Variants in NAA11 observed in about 807,000 individuals in gnomAD.
NAA11 encodes the protein N-alpha-acetyltransferase 11, NatA catalytic subunit, also known as N-alpha-acetyltransferase 11.
In NAA11, 15 loss-of-function variants were observed where a neutral mutation model predicts 16.1. That is an observed-to-expected ratio of 0.93 (90% confidence interval 0.62 to 1.44). The LOEUF (loss-of-function observed/expected upper bound fraction) is 1.44. Among genes scored for constraint, NAA11 ranks in the 40% most tolerant of loss-of-function variants. The pLI is 0.00. For synonymous variants in NAA11, 122 were observed against 112.4 expected (o/e 1.09, Z -0.54); for missense variants, 298 against 291.3 (o/e 1.02, Z -0.17).
At position 79,243,875 on chromosome 4, in the gene NAA11, G is replaced by A. The variant is rs370331563; in HGVS notation, c.*123-17605C>T. ...AAAAGGGCCTTTAACCTCGATCCTG[G>A]GACTTTATGGGCTGGCCTCTTTCCC... On this transcript the variant is annotated intron_variant and NMD_transcript_variant, in intron 2 of 2. Coordinates refer to the NAA11 transcript ENST00000511542. Among the ~76,000 whole-genome samples the A allele has an allele frequency of 1.2e-4, 18 of 152,292 alleles. No homozygotes were observed. In the South Asian group the frequency reaches 3.7e-3, roughly 32 times the overall value.
the NAA11 span, among the ~76,000 whole-genome samples, chr4:79,193,961 C>G: frequency 6.6e-6 from 1 of 152,064 alleles, no homozygotes; most frequent in South Asian, 2.1e-4. Flanking sequence ...AAGTTGGATT[C>G]CTAGGTATTT....
At chr4:79,172,731 A>G in the NAA11 span, among the ~76,000 whole-genome samples, 3 of 152,192 alleles carry the variant, frequency 2.0e-5, no homozygotes. Context: ...GCACTTAAAT[A>G]AATGTAAAAC....
chr4:79,218,919 C>T, the NAA11 span, among the ~76,000 whole-genome samples: 3 of 152,078 alleles, frequency 2.0e-5, 1 homozygote, highest in South Asian at 4.1e-4. Flanking sequence ...TGCACTTTAG[C>T]AAAATATTCA....
At chr4:79,314,641 T>TAAAGAAAAAAAAAAAAA (rs1723874586), downstream of NAA11, among the ~76,000 whole-genome samples, 1 of 98,048 alleles carries the variant, frequency 1.0e-5, no homozygotes, top group African/African-American at 4.1e-5. Flanking sequence ...TCCTTAAAAT[T>TAAAGAAAAAAAAAAAAA]AAAAAAAAAA....
the NAA11 span, among the ~76,000 whole-genome samples, chr4:79,188,956 G>C: frequency 6.6e-5 from 10 of 151,412 alleles, no homozygotes; most frequent in Non-Finnish European, 1.5e-4. Flanking sequence ...GAAGGGCCGA[G>C]CGCAGTGGCT....
At chr4:79,159,682 C>A in the NAA11 span, among the ~76,000 whole-genome samples, 1 of 152,106 alleles carries the variant, frequency 6.6e-6, no homozygotes, top group Non-Finnish European at 1.5e-5. Flanking sequence ...TTTGCACCAA[C>A]CTAATAATTA....
At chr4:79,168,942 G>A in the NAA11 span, among the ~76,000 whole-genome samples, 133 of 152,258 alleles carry the variant, frequency 8.7e-4, no homozygotes, top group African/African-American at 3.0e-3. Context: ...GAAATCAAAA[G>A]CATTCCTATA....
chr4:79,293,738 C>A (rs2109995061), intron 2 of NAA11, among the ~76,000 whole-genome samples: 1 of 152,248 alleles, frequency 6.6e-6, no homozygotes, highest in South Asian at 2.1e-4. Context: ...CCAACTGGTC[C>A]ATTTTTCTCT....
the NAA11 span, among the ~76,000 whole-genome samples, chr4:79,220,092 T>C: frequency 6.6e-6 from 1 of 152,210 alleles, no homozygotes; most frequent in Non-Finnish European, 1.5e-5. Flanking sequence ...AGACTGTCAT[T>C]ACTTCTGTGA....
At position 79,272,889 on chromosome 4, in the gene NAA11, C is replaced by T. The variant is rs951546824; in HGVS notation, c.*122+21116G>A. On this transcript the variant is annotated intron_variant and NMD_transcript_variant, in intron 2 of 2. Coordinates refer to the NAA11 transcript ENST00000511542. ...GGTTGGAATGGTTGGCATTCTTGAG[C>T]GGCTGGAACAGTTGATGGGGGCTGC... is the stretch of plus-strand genomic sequence containing the variant. Among the ~76,000 whole-genome samples, 7 of 151,950 alleles carry T rather than the reference C, an allele frequency of 4.6e-5. No homozygotes were observed. In the South Asian group the frequency reaches 1.0e-3, roughly 23 times the overall value.
the NAA11 span, among the ~76,000 whole-genome samples, chr4:79,210,797 G>A: frequency 6.6e-6 from 1 of 152,142 alleles, no homozygotes; most frequent in African/African-American, 2.4e-5. Flanking sequence ...AAAGGCTCTG[G>A]AGGCAGATAT....
chr4:79,241,253 T>C (rs542351370), intron 2 of NAA11, among the ~76,000 whole-genome samples: 2 of 152,362 alleles, frequency 1.3e-5, no homozygotes, highest in South Asian at 4.1e-4. Context: ...ATTTTCTTAT[T>C]AACATTTTAT....
intron 1 of NAA11, among the ~76,000 whole-genome samples, chr4:79,324,095 C>T (rs1243761876): frequency 6.6e-6 from 1 of 151,626 alleles, no homozygotes; most frequent in Non-Finnish European, 1.5e-5. Flanking sequence ...GCATAAGGAA[C>T]CCCCTAAGTA....
chr4:79,257,244 C>T (rs939768511), intron 2 of NAA11, among the ~76,000 whole-genome samples: 1 of 152,160 alleles, frequency 6.6e-6, no homozygotes, highest in African/African-American at 2.4e-5. Flanking sequence ...ATTTACACCA[C>T]TAGCTTCATA....
chr4:79,231,652 A>T (rs1721469381), intron 2 of NAA11, among the ~76,000 whole-genome samples: 1 of 151,928 alleles, frequency 6.6e-6, no homozygotes, highest in Admixed American at 6.6e-5. Context: ...TTTAGCATAA[A>T]AAAGGGACAA....
rs545666153 is a variant in NAA11 at position 79,300,974 on chromosome 4, A to T, written c.*13-6860T>A. Among the ~76,000 whole-genome samples, 4 of 152,332 alleles carry T rather than the reference A, an allele frequency of 2.6e-5. No individual in the cohort carries two copies. In the East Asian group the frequency reaches 7.7e-4, roughly 29 times the overall value. ...TTTGCAGTAAGAATGTCCTTATATT[A>T]CAGTGGTTAAGCATGTGAGTTCCAG... is the stretch of plus-strand genomic sequence containing the variant. On this transcript the variant is annotated intron_variant and NMD_transcript_variant, in intron 1 of 2. Coordinates refer to the NAA11 transcript ENST00000511542.
chr4:79,226,633 G>T (rs972419216), intron 2 of NAA11, among the ~76,000 whole-genome samples: 1 of 140,028 alleles, frequency 7.1e-6, no homozygotes, highest in Non-Finnish European at 1.5e-5. Context: ...CTGTGTCCAG[G>T]TGTTCTCATT....
At chr4:79,266,412 A>G (rs1278367575) in intron 2 of NAA11, among the ~76,000 whole-genome samples, 1 of 152,148 alleles carries the variant, frequency 6.6e-6, no homozygotes, top group East Asian at 1.9e-4. Flanking sequence ...ATAAAAAACA[A>G]ATACTCAGGA....
chr4:79,322,901 A>T (rs1460215863), intron 1 of NAA11, among the ~76,000 whole-genome samples: 2 of 152,212 alleles, frequency 1.3e-5, no homozygotes, highest in African/African-American at 4.8e-5. Context: ...ACTGTATCTA[A>T]ATTTTTATAA....
Sources: gnomAD v4.1 joint callset for allele counts (sites outside exome capture counted in the v4.1 genomes callset) on GRCh38, gnomAD v4.1.1 for gene constraint, MANE v1.5 for transcripts, NCBI Gene and HGNC (gene_info 2026-07-23, HGNC 2026-07-21) for gene names.